Variants in DACH2 observed in about 807,000 individuals in gnomAD.
DACH2 encodes the protein dachshund family transcription factor 2.
Under a neutral mutation model 35.8 loss-of-function variants are expected in DACH2, and 17 were observed. The observed-to-expected ratio is 0.48, with a 90% CI of 0.33 to 0.71. The LOEUF is 0.71. Among genes scored for constraint, DACH2 ranks in the 30% least tolerant of loss-of-function variants. The probability of loss-of-function intolerance (pLI) is 0.02; values close to 1 mark genes in which losing one functional copy is unlikely to be tolerated. For missense variants in DACH2, 469 were observed against 472.7 expected (o/e 0.99, Z 0.07); for synonymous variants, 195 against 177.3 (o/e 1.10, Z -0.79).
chrX:86,398,303 G>C (rs1214612275), intron 2 of DACH2, among the ~76,000 whole-genome samples: 475 of 80,898 alleles, frequency 5.9e-3, no homozygotes, highest in Non-Finnish European at 6.5e-3. Flanking sequence ...GTCTTGCTAG[G>C]GGTCTATCAA....
chrX:86,355,001 T>C (rs1472662487), intron 1 of DACH2, among the ~76,000 whole-genome samples: 2 of 111,979 alleles, frequency 1.8e-5, no homozygotes, highest in Non-Finnish European at 3.8e-5. Context: ...TGGTGTACAG[T>C]TATTTTGTCA....
intron 3 of DACH2, among the ~76,000 whole-genome samples, chrX:86,636,255 C>T (rs999939548): frequency 1.1e-4 from 12 of 110,262 alleles, no homozygotes; most frequent in African/African-American, 3.3e-4. Flanking sequence ...GAGACCAGCC[C>T]GGCCAACATG....
At chrX:86,772,632 T>A (rs772670613) in intron 7 of DACH2, among the ~76,000 whole-genome samples, 4 of 111,715 alleles carry the variant, frequency 3.6e-5, no homozygotes, top group African/African-American at 1.3e-4. Context: ...CAAAGAATAT[T>A]GTGTTTGGGA....
chrX:86,163,381 ACT>A (rs201372332), intron 1 of DACH2, among the ~76,000 whole-genome samples: 9,108 of 107,842 alleles, frequency 0.084, 329 homozygotes, highest in East Asian at 0.21. Flanking sequence ...ACTGGGTCTC[ACT>A]CTTTTTTATG....
At chrX:86,802,765 C>A (rs1340552751) in intron 7 of DACH2, among the ~76,000 whole-genome samples, 1 of 111,054 alleles carries the variant, frequency 9.0e-6, no homozygotes, top group Admixed American at 9.6e-5. Context: ...AGAGGGAAGG[C>A]ACAAAGCCAT....
intron 2 of DACH2, among the ~76,000 whole-genome samples, chrX:86,432,738 A>G (rs2148172725): frequency 8.9e-6 from 1 of 112,108 alleles, no homozygotes; most frequent in Admixed American, 9.5e-5. Flanking sequence ...AAAGAACTTC[A>G]TCTATGAAAT....
intron 4 of DACH2, among the ~76,000 whole-genome samples, chrX:86,656,137 A>G (rs2040537873): frequency 9.1e-6 from 1 of 109,418 alleles, no homozygotes; most frequent in Non-Finnish European, 1.9e-5. Context: ...TCCCCTGGAC[A>G]GTCATTTTCA....
chrX:86,697,187 T>A (rs1004309216), intron 5 of DACH2, among the ~76,000 whole-genome samples: 5 of 111,766 alleles, frequency 4.5e-5, no homozygotes, highest in African/African-American at 1.3e-4. Context: ...TATAGAATGT[T>A]TGTTTGCTCA....
At chrX:86,468,370 G>A (rs1376796551) in intron 2 of DACH2, among the ~76,000 whole-genome samples, 1 of 110,975 alleles carries the variant, frequency 9.0e-6, no homozygotes, top group Admixed American at 9.6e-5. Context: ...ATATATGTGA[G>A]TGGCTTAGAA....
At chrX:86,808,460 G>A (rs759981369) in intron 7 of DACH2, among the ~76,000 whole-genome samples, 8 of 110,898 alleles carry the variant, frequency 7.2e-5, no homozygotes, top group African/African-American at 2.0e-4. Context: ...ACAATTTGGG[G>A]ATCAAGCTTT....
At chrX:86,653,013 G>T (rs1326584960) in intron 4 of DACH2, among the ~76,000 whole-genome samples, 1 of 111,929 alleles carries the variant, frequency 8.9e-6, no homozygotes, top group Admixed American at 9.5e-5. Flanking sequence ...GCCAATTCCT[G>T]TGTCCAAAAT....
intron 2 of DACH2, among the ~76,000 whole-genome samples, chrX:86,394,084 C>T (rs2036243739): frequency 9.2e-6 from 1 of 109,067 alleles, no homozygotes; most frequent in South Asian, 3.9e-4. Flanking sequence ...TATCAATGAT[C>T]ACCTTCCTCC....
chrX:86,466,544 A>G (rs1486626338), intron 2 of DACH2, among the ~76,000 whole-genome samples: 7 of 111,635 alleles, frequency 6.3e-5, no homozygotes, highest in Non-Finnish European at 1.3e-4. Context: ...TCATTTCAGC[A>G]TTAACCTAGA....
At chrX:86,568,219 G>A (rs2039317446) in intron 3 of DACH2, among the ~76,000 whole-genome samples, 1 of 111,235 alleles carries the variant, frequency 9.0e-6, no homozygotes, top group Admixed American at 9.6e-5. Flanking sequence ...GTGGATAAAT[G>A]TCATTATACA....
intron 3 of DACH2, among the ~76,000 whole-genome samples, chrX:86,556,789 TATATATAGAGAGAGAG>T (rs1277770439): frequency 2.1e-3 from 78 of 37,198 alleles, no homozygotes; most frequent in African/African-American, 8.6e-3. Context: ...TATATATATA[TATATATAGAGAGAGAG>T]AGAGAGAGAG....
At position 86,685,192 on chromosome X, in the gene DACH2, T is replaced by G. The variant is rs755853495; in HGVS notation, c.773-9829T>G. 4.5e-5 allele frequency among the ~76,000 whole-genome samples: 5 copies of G among 111,562 alleles called. No individual in the cohort carries two copies. The East Asian group carries it at 1.4e-3, about 32-fold the overall frequency. Reference sequence around the variant, plus strand: ...TGTTGTTCACTTTGTAAAGGCTAGTTTATTGAATCCACTCAGTTGAGTGTA... The same window carrying G: ...TGTTGTTCACTTTGTAAAGGCTAGTGTATTGAATCCACTCAGTTGAGTGTA... On this transcript the variant is annotated intron_variant, in intron 4 of 11. Transcript: ENST00000373125.
Position 86,354,819 on chromosome X carries a change from TA to T in DACH2, c.489-21997del, listed in dbSNP as rs1293987438. 3.4e-3 allele frequency among the ~76,000 whole-genome samples: 29 copies of T among 8,446 alleles called. 7 individuals are homozygous for T. The highest frequency in any genetic ancestry group is 1.9e-3 in the Admixed American group (1 of 514). 7.3% of individuals were successfully genotyped at this position (8,446 alleles called of 115,157 possible). A position where few individuals can be genotyped will look rare whatever the true frequency, so the allele number is the denominator to read the frequency against. On this transcript the variant is annotated intron_variant, in intron 1 of 11. Coordinates refer to ENST00000373125, the MANE Select transcript of DACH2 (RefSeq NM_053281.3). ...ATGTACCCTAAAACTTAGAGTATAA[TA>T]AAAAAAATAAAATAAAAAAAAATAA...
At chrX:86,622,089 A>G (rs2040075633) in intron 3 of DACH2, among the ~76,000 whole-genome samples, 1 of 111,683 alleles carries the variant, frequency 9.0e-6, no homozygotes, top group African/African-American at 3.2e-5. Context: ...ATACCAGTTT[A>G]GAAAACAGGG....
chrX:86,524,369 G>T (rs1301091985), intron 3 of DACH2, among the ~76,000 whole-genome samples: 1 of 112,001 alleles, frequency 8.9e-6, no homozygotes, highest in East Asian at 2.8e-4. Context: ...CTACCTTTGG[G>T]TTTTTAAATG....
Sources: gnomAD v4.1 joint callset for allele counts (sites outside exome capture counted in the v4.1 genomes callset) on GRCh38, gnomAD v4.1.1 for gene constraint, MANE v1.5 for transcripts, NCBI Gene and HGNC (gene_info 2026-07-23, HGNC 2026-07-21) for gene names.